The following FAM174A variants were observed in gnomAD, a reference collection of about 807,000 sequenced individuals.
FAM174A encodes family with sequence similarity 174 member A.
In FAM174A, 14 loss-of-function variants were observed where a neutral mutation model predicts 14.3. That is an observed-to-expected ratio of 0.98 (90% CI 0.65 to 1.53). The LOEUF is 1.53. Ranked by LOEUF, FAM174A falls within the 40% of genes most tolerant of loss-of-function variation. The probability of loss-of-function intolerance (pLI) is 0.00; values close to 1 mark genes in which losing one functional copy is unlikely to be tolerated. For synonymous variants in FAM174A, 108 were observed against 111.4 expected (o/e 0.97, Z 0.19); for missense variants, 241 against 249.6 (o/e 0.97, Z 0.23).
intron 2 of FAM174A, among the ~76,000 whole-genome samples, chr5:100,575,901 A>G (rs1580377711): frequency 6.6e-6 from 1 of 152,236 alleles, no homozygotes; most frequent in South Asian, 2.1e-4. Context: ...AGTATAACTT[A>G]TAATAATTCT....
At chr5:100,581,880 G>T (rs1175808757) in intron 2 of FAM174A, among the ~76,000 whole-genome samples, 1 of 152,162 alleles carries the variant, frequency 6.6e-6, no homozygotes, top group Non-Finnish European at 1.5e-5. Context: ...ATGATTGCTA[G>T]ATCATAATAG....
chr5:100,553,749 T>C (rs1746308921), intron 1 of FAM174A, among the ~76,000 whole-genome samples: 3 of 152,080 alleles, frequency 2.0e-5, no homozygotes, highest in African/African-American at 7.2e-5. Context: ...AATTAAAGGA[T>C]AGAATAAAGA....
chr5:100,575,750 C>T (rs1023327106), intron 2 of FAM174A, among the ~76,000 whole-genome samples: 2 of 152,104 alleles, frequency 1.3e-5, no homozygotes, highest in African/African-American at 2.4e-5. Context: ...AACAGGGAAC[C>T]TACAGAATGG....
At chr5:100,551,788 T>C (rs1746268225) in intron 1 of FAM174A, among the ~76,000 whole-genome samples, 1 of 152,160 alleles carries the variant, frequency 6.6e-6, no homozygotes, top group African/African-American at 2.4e-5. Flanking sequence ...CTCTTGATCT[T>C]TTTAATGATG....
At chr5:100,536,339 T>A (rs1392882720) in intron 1 of FAM174A, among the ~76,000 whole-genome samples, 2 of 152,190 alleles carry the variant, frequency 1.3e-5, no homozygotes, top group Non-Finnish European at 2.9e-5. Context: ...TGGTCAAAAT[T>A]TTGCCAATCA....
chr5:100,538,882 G>T (rs1745994285), intron 1 of FAM174A, among the ~76,000 whole-genome samples: 1 of 151,958 alleles, frequency 6.6e-6, no homozygotes, highest in Non-Finnish European at 1.5e-5. Flanking sequence ...GGGGGTGGGG[G>T]GAAATCACTG....
chr5:100,568,433 G>T (rs1330073870), intron 2 of FAM174A, among the ~76,000 whole-genome samples: 1 of 151,748 alleles, frequency 6.6e-6, no homozygotes, highest in Non-Finnish European at 1.5e-5. Context: ...GGGCCTTTCA[G>T]CACACAGTTC....
At chr5:100,539,850 T>G (rs1048459247) in intron 1 of FAM174A, among the ~76,000 whole-genome samples, 1 of 152,252 alleles carries the variant, frequency 6.6e-6, no homozygotes, top group South Asian at 2.1e-4. Flanking sequence ...AGTGCCTTTC[T>G]GTTTAAAACA....
At chr5:100,545,635 A>T (rs990995468) in intron 1 of FAM174A, among the ~76,000 whole-genome samples, 8 of 152,208 alleles carry the variant, frequency 5.3e-5, no homozygotes, top group African/African-American at 1.9e-4. Flanking sequence ...AAAGCAAAAC[A>T]TCCAAAAGAT....
At chr5:100,567,411 G>C (rs1039476763) in intron 2 of FAM174A, among the ~76,000 whole-genome samples, 1 of 151,854 alleles carries the variant, frequency 6.6e-6, no homozygotes, top group African/African-American at 2.4e-5. Flanking sequence ...TTGACTGCCA[G>C]TGGGGAAAAG....
In FAM174A at chr5:100,535,868, C is replaced by T. The variant is rs1479415966; in HGVS notation, c.338C>T (p.Pro113Leu). 1 of 1,612,856 alleles carries T rather than the reference C, an allele frequency of 6.2e-7. No homozygotes were observed. The highest frequency in any genetic ancestry group is 8.5e-7 in the Non-Finnish European group (1 of 1,179,942). ...GSVGGGLAVS[P>L]NPGDKPMTQR... Reference sequence around the variant, plus strand: ...GTGGGTGGCGGCCTTGCTGTGAGCCCCAACCCTGGCGACAAGCCCATGACC... The same window carrying T: ...GTGGGTGGCGGCCTTGCTGTGAGCCTCAACCCTGGCGACAAGCCCATGACC... The change falls in exon 1 of 3, where the codon CCC (proline) becomes CTC (leucine). Residue 113 changes from proline (P) to leucine (L), a missense_variant. Transcript: ENST00000312637.
Position 100,585,653 on chromosome 5 carries a change from A to C in FAM174A, c.570-528A>C, listed in dbSNP as rs538681868. Among the ~76,000 whole-genome samples the C allele has an allele frequency of 2.6e-5, 4 of 152,276 alleles. No homozygotes were observed. The East Asian group carries it at 7.7e-4, about 29-fold the overall frequency. ...GGTGTTAAACTCCTTACCTCAAGTG[A>C]TCTGCCTGCCTTGGCCTCCCAAAGT... On this transcript the variant is annotated intron_variant, in intron 2 of 2. Transcript: ENST00000312637.
At position 100,574,190 on chromosome 5, in the gene FAM174A, A is replaced by T. The variant is rs1580376927; in HGVS notation, c.570-11991A>T. Among the ~76,000 whole-genome samples the T allele has an allele frequency of 2.0e-5, 3 of 151,884 alleles. No homozygotes were observed. In the East Asian group the frequency reaches 5.8e-4, roughly 29 times the overall value. ...ATTTCCAAACTTATAATTTATTTTTATTTTTTTTATTTTTTTGAGATGGAA... is the reference window on the plus strand; with the variant it reads ...ATTTCCAAACTTATAATTTATTTTTTTTTTTTTTATTTTTTTGAGATGGAA... On this transcript the variant is annotated intron_variant, in intron 2 of 2. Transcript: ENST00000312637.
intron 1 of FAM174A, among the ~76,000 whole-genome samples, chr5:100,536,787 A>G (rs1745950450): frequency 6.6e-6 from 1 of 152,218 alleles, no homozygotes; most frequent in African/African-American, 2.4e-5. Flanking sequence ...AATTTAACAT[A>G]TTTCTTTAAA....
At chr5:100,580,923 T>G (rs1477295784) in intron 2 of FAM174A, among the ~76,000 whole-genome samples, 2 of 152,052 alleles carry the variant, frequency 1.3e-5, no homozygotes, top group African/African-American at 4.8e-5. Context: ...TTTGTTTGTT[T>G]TTGTTGTTTG....
At chr5:100,558,122 A>G (rs1442368869) in intron 1 of FAM174A, among the ~76,000 whole-genome samples, 1 of 152,088 alleles carries the variant, frequency 6.6e-6, no homozygotes, top group Non-Finnish European at 1.5e-5. Context: ...TGTCCCAGAG[A>G]TTCTGGTATG....
At chr5:100,570,824 A>G (rs1472342304) in intron 2 of FAM174A, among the ~76,000 whole-genome samples, 1 of 152,000 alleles carries the variant, frequency 6.6e-6, no homozygotes, top group Non-Finnish European at 1.5e-5. Flanking sequence ...GTTAGCTGTC[A>G]GTTTTTTTGA....
intron 2 of FAM174A, among the ~76,000 whole-genome samples, chr5:100,569,925 G>A (rs76249414): frequency 0.082 from 12,459 of 151,678 alleles, 797 homozygotes; most frequent in African/African-American, 0.17. Flanking sequence ...TGACTAAATC[G>A]GGAATAATGC....
chr5:100,536,032 G>C, intron 1 of FAM174A, 68 bp downstream of exon 1: 1 of 1,401,648 alleles, frequency 7.1e-7, no homozygotes, highest in Non-Finnish European at 9.5e-7. Flanking sequence ...CTCCAGCAAG[G>C]CTGACTTCTG....
Sources: allele counts gnomAD v4.1 joint callset (sites outside exome capture counted in the v4.1 genomes callset), GRCh38; gene constraint gnomAD v4.1.1; transcripts MANE v1.5; gene names NCBI Gene and HGNC (gene_info 2026-07-23, HGNC 2026-07-21).